Variants in OTUD7B observed in about 807,000 individuals in gnomAD.
OTUD7B encodes the protein OTU deubiquitinase 7B.
In OTUD7B, 34 loss-of-function variants were observed where a neutral mutation model predicts 82.2. The observed-to-expected ratio is 0.41, with a 90% confidence interval of 0.31 to 0.55. The LOEUF (loss-of-function observed/expected upper bound fraction) is 0.55, where lower values mean the gene tolerates loss of function less well. OTUD7B is among the 20% of genes least tolerant of loss of function. The pLI is 0.20. For synonymous variants in OTUD7B, 398 were observed against 402.7 expected, an observed-to-expected ratio of 0.99 and a Z score of 0.14; for missense variants, 944 against 1,062.1, an observed-to-expected ratio of 0.89 and a Z score of 1.55.
intron 6 of OTUD7B, chr1:149,960,981 C>T (rs587740366): frequency 5.1e-5 from 6 of 118,570 alleles, no homozygotes; most frequent in African/African-American, 2.0e-4. Flanking sequence ...GGCTGGAGTA[C>T]AGTGGAACGA....
chr1:149,947,293 G>C lies in OTUD7B; in HGVS notation c.1281C>G (p.Ser427Arg). Residue 427 changes from serine (S) to arginine (R), a missense_variant, in exon 11 of 12, where the codon AGC becomes AGG. Ser to Arg is a moderately radical substitution (Grantham distance 110). Transcript: ENST00000581312. ...GTGGGATCCACTTCACATTCATGTA[G>C]CTATGCAGCAGATGCAATTTGACCT... ...SLEVKLHLLH[S>R]YMNVKWIPLS... is the part of the protein sequence containing the mutation. 5 of 1,611,198 alleles carry C rather than the reference G, an allele frequency of 3.1e-6. No homozygotes were observed. The highest frequency in any genetic ancestry group is 4.2e-6 in the Non-Finnish European group (5 of 1,177,484).
chr1:150,061,404 T>C, the OTUD7B span, among the ~76,000 whole-genome samples: 2 of 152,208 alleles, frequency 1.3e-5, no homozygotes, highest in African/African-American at 4.8e-5. Flanking sequence ...ATGAATATAG[T>C]ATTTTGTTAT....
intron 3 of OTUD7B, 109 bp from the exon 4 acceptor site, chr1:149,967,630 T>A: frequency 1.4e-6 from 1 of 723,420 alleles, no homozygotes; most frequent in Non-Finnish European, 2.1e-6. Context: ...AGAGAAAAAC[T>A]AAGTCTAACT....
chr1:149,956,582 C>A (rs1648691546), intron 7 of OTUD7B, among the ~76,000 whole-genome samples: 1 of 152,136 alleles, frequency 6.6e-6, no homozygotes, highest in African/African-American at 2.4e-5. Context: ...TGTCGGCCTG[C>A]CTTGCTAGGT....
Position 150,007,138 on chromosome 1 carries a change from C to A in OTUD7B, c.-67+3310G>T, listed in dbSNP as rs782685521. Among the ~76,000 whole-genome samples the A allele has an allele frequency of 2.0e-5, 3 of 152,184 alleles. No homozygotes were observed. The South Asian group carries it at 6.2e-4, about 31-fold the overall frequency. On this transcript the variant is annotated intron_variant, in intron 1 of 11. Transcript: ENST00000581312. ...CTCACAACTTAGTCATTCATATCAT[C>A]ATTGCACACTGTACATTCTATACTT... is the stretch of plus-strand genomic sequence containing the variant.
chr1:149,957,322 G>T (rs1648760477), intron 7 of OTUD7B, among the ~76,000 whole-genome samples: 1 of 151,700 alleles, frequency 6.6e-6, no homozygotes, highest in Admixed American at 6.6e-5. Context: ...GTTTGCCTGG[G>T]TATCACCAGT....
the OTUD7B span, among the ~76,000 whole-genome samples, chr1:150,047,165 C>A: frequency 4.6e-5 from 7 of 152,324 alleles, no homozygotes; most frequent in South Asian, 1.2e-3. Flanking sequence ...GCTACCCTGG[C>A]TGCTTTGCTG....
At chr1:149,982,871 G>T (rs1650867419) in intron 1 of OTUD7B, among the ~76,000 whole-genome samples, 1 of 78,982 alleles carries the variant, frequency 1.3e-5, no homozygotes. Flanking sequence ...TTTTAAGACG[G>T]AGTCTCGCTC....
intron 2 of OTUD7B, among the ~76,000 whole-genome samples, chr1:149,974,051 GT>G: frequency 6.6e-6 from 1 of 151,726 alleles, no homozygotes; most frequent in African/African-American, 2.4e-5. Flanking sequence ...TACAGACAGG[GT>G]TTCACCATCT....
chr1:150,006,012 C>T (rs78871912), intron 1 of OTUD7B, among the ~76,000 whole-genome samples: 5,487 of 152,194 alleles, frequency 0.036, 188 homozygotes, highest in Non-Finnish European at 0.05. Flanking sequence ...ATTCATTTTA[C>T]GGATTTCTAA....
At chr1:149,958,459 C>T (rs781793711) in intron 7 of OTUD7B, among the ~76,000 whole-genome samples, 11 of 148,984 alleles carry the variant, frequency 7.4e-5, no homozygotes, top group Non-Finnish European at 1.3e-4. Context: ...TCTCGAGTAG[C>T]TGGGATTACA....
intron 6 of OTUD7B, chr1:149,963,432 T>C (rs1465875974): frequency 6.6e-6 from 1 of 152,238 alleles, no homozygotes; most frequent in African/African-American, 2.4e-5. Flanking sequence ...AGTCAGTAAG[T>C]ATGGGCTGTG....
chr1:150,064,514 T>G, the OTUD7B span, among the ~76,000 whole-genome samples: 4 of 149,194 alleles, frequency 2.7e-5, no homozygotes, highest in South Asian at 9.2e-4. Context: ...GGACCACAGA[T>G]GTACCCGCTA....
the OTUD7B span, among the ~76,000 whole-genome samples, chr1:150,036,067 C>T: frequency 2.6e-5 from 4 of 151,768 alleles, no homozygotes; most frequent in Non-Finnish European, 4.4e-5. Flanking sequence ...ATCTTCCCCC[C>T]TCAGCCTTCC....
chr1:149,961,021 G>A (rs1283988629), intron 6 of OTUD7B: 11 of 145,292 alleles, frequency 7.6e-5, no homozygotes, highest in Non-Finnish European at 1.6e-4. Context: ...CCACCTCCCG[G>A]GTTCAAGCAA....
chr1:150,024,186 C>T, the OTUD7B span, among the ~76,000 whole-genome samples: 30 of 152,290 alleles, frequency 2.0e-4, no homozygotes, highest in Non-Finnish European at 3.8e-4. Flanking sequence ...TCCTCCTTAG[C>T]TTTTCTAAGA....
At chr1:149,997,600 C>T (rs1652000859) in intron 1 of OTUD7B, among the ~76,000 whole-genome samples, 1 of 152,088 alleles carries the variant, frequency 6.6e-6, no homozygotes, top group South Asian at 2.1e-4. Flanking sequence ...CACTTAAATC[C>T]AAAATCTAAA....
intron 7 of OTUD7B, among the ~76,000 whole-genome samples, chr1:149,958,322 C>CTTTTTTTTTTTT (rs34299927): frequency 8.1e-5 from 7 of 86,394 alleles, no homozygotes; most frequent in African/African-American, 1.3e-4. Flanking sequence ...AAAGGACTAC[C>CTTTTTTTTTTTT]TTTTTTTTTT....
upstream of OTUD7B, among the ~76,000 whole-genome samples, chr1:150,011,692 AC>A (rs1184510829): frequency 5.9e-5 from 9 of 152,200 alleles, no homozygotes; most frequent in Non-Finnish European, 1.3e-4. Context: ...AACGATGCCA[AC>A]CCCGGCTATA....
Sources: gnomAD v4.1 joint callset for allele counts (sites outside exome capture counted in the v4.1 genomes callset) on GRCh38, gnomAD v4.1.1 for gene constraint, MANE v1.5 for transcripts, NCBI Gene and HGNC (gene_info 2026-07-23, HGNC 2026-07-21) for gene names.